Variants in AIMP2 observed in about 807,000 individuals in gnomAD.
AIMP2 encodes aminoacyl tRNA synthase complex-interacting multifunctional protein 2.
Under a neutral mutation model 23.4 loss-of-function variants are expected in AIMP2, and 20 were observed. The observed-to-expected ratio is 0.85, with a 90% confidence interval of 0.60 to 1.24. The LOEUF (loss-of-function observed/expected upper bound fraction) is 1.24, where lower values mean the gene tolerates loss of function less well. Ranked by LOEUF, AIMP2 falls within the 50% of genes most tolerant of loss-of-function variation. The pLI is 0.00. For synonymous variants in AIMP2, 210 were observed against 170.4 expected, an observed-to-expected ratio of 1.23 and a Z score of -1.81; for missense variants, 515 against 414.5, an observed-to-expected ratio of 1.24 and a Z score of -2.10.
Position 6,023,623 on chromosome 7 carries a change from G to A in AIMP2, c.895G>A (p.Val299Met). The A allele has an allele frequency of 6.2e-7, 1 of 1,614,164 alleles. No homozygotes were observed. Among genetic ancestry groups the A allele is most frequent in the Non-Finnish European group, 8.5e-7 (1 of 1,180,006 alleles). ...GGCSVTVPAN[V>M]QRWMRSCENL... ...CTGCAGTGTGACAGTGCCAGCCAAT[G>A]TGCAGAGGTGGATGAGGTCTTGTGA... Residue 299 changes from valine (V) to methionine (M), a missense_variant, in exon 4 of 4, where the codon GTG becomes ATG. Physicochemically the swap from Val to Met is conservative, Grantham distance 21 (BLOSUM62 1). Coordinates refer to ENST00000223029, the MANE Select transcript of AIMP2 (RefSeq NM_006303.4).
At chr7:6,015,610 G>A (rs956214882) in intron 2 of AIMP2, among the ~76,000 whole-genome samples, 1 of 152,226 alleles carries the variant, frequency 6.6e-6, no homozygotes, top group Non-Finnish European at 1.5e-5. Context: ...TGTAGTCCCA[G>A]CTACTCGGGA....
chr7:6,020,837 G>T (rs1053255455), intron 3 of AIMP2, among the ~76,000 whole-genome samples: 1 of 152,198 alleles, frequency 6.6e-6, no homozygotes, highest in African/African-American at 2.4e-5. Context: ...TTGAAGGCAC[G>T]CAGGGCTAAG....
chr7:6,019,242 G>A (rs1787230471), intron 3 of AIMP2, among the ~76,000 whole-genome samples: 1 of 151,454 alleles, frequency 6.6e-6, no homozygotes, highest in African/African-American at 2.4e-5. Flanking sequence ...CCTCTTGGGA[G>A]GCCGAGGCGG....
At chr7:6,022,024 G>C (rs1787462586) in intron 3 of AIMP2, among the ~76,000 whole-genome samples, 1 of 152,106 alleles carries the variant, frequency 6.6e-6, no homozygotes, top group Non-Finnish European at 1.5e-5. Flanking sequence ...TGAGGACAGT[G>C]GGATGAAGAC....
At chr7:6,021,338 CAAAA>C (rs563523048) in intron 3 of AIMP2, among the ~76,000 whole-genome samples, 183 of 65,952 alleles carry the variant, frequency 2.8e-3, no homozygotes, top group African/African-American at 0.01. Flanking sequence ...GACTCCATCT[CAAAA>C]AAAAAAAAAA....
chr7:6,016,388 T>TA (rs1214805872), intron 2 of AIMP2, among the ~76,000 whole-genome samples: 2 of 152,280 alleles, frequency 1.3e-5, no homozygotes, highest in East Asian at 1.9e-4. Context: ...CTTAAAGCCC[T>TA]AAAAAATGCA....
chr7:6,020,816 G>A (rs12234649), intron 3 of AIMP2, among the ~76,000 whole-genome samples: 9,154 of 152,222 alleles, frequency 0.06, 584 homozygotes, highest in East Asian at 0.34. Flanking sequence ...GAAGGGAAGT[G>A]AGCCCCAGGA....
chr7:6,020,201 A>G (rs1787294121), intron 3 of AIMP2, among the ~76,000 whole-genome samples: 1 of 151,936 alleles, frequency 6.6e-6, no homozygotes, highest in African/African-American at 2.4e-5. Flanking sequence ...TGGGTGGATC[A>G]CCTGAGATCA....
chr7:6,022,914 T>G, intron 3 of AIMP2: 1 of 195,256 alleles, frequency 5.1e-6, no homozygotes, highest in Non-Finnish European at 1.1e-5. Context: ...GTTCATGTCA[T>G]TCATATCTTA....
chr7:6,021,878 C>T (rs1430901611), intron 3 of AIMP2, among the ~76,000 whole-genome samples: 1 of 152,048 alleles, frequency 6.6e-6, no homozygotes, highest in Non-Finnish European at 1.5e-5. Flanking sequence ...AATCAAAAGG[C>T]AAAAAGTCAG....
At chr7:6,012,606 G>A (rs530594299) in intron 1 of AIMP2, 4 of 248,666 alleles carry the variant, frequency 1.6e-5, no homozygotes, top group Admixed American at 8.7e-5. Flanking sequence ...CACCCAGTCT[G>A]GAGTGCAATG....
intron 3 of AIMP2, 44 bp downstream of exon 3, chr7:6,018,089 T>G: frequency 6.7e-7 from 1 of 1,481,766 alleles, no homozygotes; most frequent in Non-Finnish European, 9.3e-7. Flanking sequence ...AGCTGCCCCT[T>G]GAACACCATG....
chr7:6,019,276 G>A (rs999651995), intron 3 of AIMP2, among the ~76,000 whole-genome samples: 6 of 150,636 alleles, frequency 4.0e-5, no homozygotes, highest in Non-Finnish European at 7.4e-5. Flanking sequence ...TCAGGATATC[G>A]AGACCATCCT....
chr7:6,020,369 C>T (rs1446425026), intron 3 of AIMP2, among the ~76,000 whole-genome samples: 2 of 151,410 alleles, frequency 1.3e-5, no homozygotes, highest in Non-Finnish European at 2.9e-5. Context: ...TGCCGTGAGC[C>T]GAGATCACAC....
At position 6,009,443 on chromosome 7, in the gene AIMP2, T is replaced by C. The variant is rs1786360344; in HGVS notation, c.80T>C (p.Leu27Pro). Residue 27 changes from leucine (L) to proline (P), a missense_variant, in exon 1 of 4, where the codon CTC becomes CCC. Coordinates refer to ENST00000223029, the MANE Select transcript of AIMP2 (RefSeq NM_006303.4). ...RVELPTCMYR[L>P]PNVHGRSYGP... ...GAGCTTCCCACCTGCATGTACCGGCTCCCCAACGTGCACGGCAGGAGCTAC... is the reference window on the plus strand; with the variant it reads ...GAGCTTCCCACCTGCATGTACCGGCCCCCCAACGTGCACGGCAGGAGCTAC... 2 of 1,610,712 alleles carry C rather than the reference T, an allele frequency of 1.2e-6. No individual in the cohort carries two copies. Among genetic ancestry groups the C allele is most frequent in the South Asian group, 1.1e-5 (1 of 90,936 alleles).
chr7:6,009,589 C>T (rs1786396896), intron 1 of AIMP2, 91 bp downstream of exon 1: 1 of 1,179,696 alleles, frequency 8.5e-7, no homozygotes, highest in African/African-American at 1.6e-5. Context: ...GCGTCCCAAC[C>T]GGTTCACGGC....
Position 6,015,304 on chromosome 7 carries a change from C to T in AIMP2, c.294C>T (p.Pro98=), listed in dbSNP as rs776458004. ...DVTNIIQADE[P]TTLTTNALDL... is the part of the protein sequence containing the mutation. ...CCAACATAATCCAAGCGGATGAGCC[C>T]ACGACTTTAACCACCAATGCGCTGG... The change falls in exon 2 of 4, where the codon CCC becomes CCT. Residue 98 remains proline (P), a synonymous_variant. Coordinates refer to ENST00000223029, the MANE Select transcript of AIMP2 (RefSeq NM_006303.4). 17 of 1,614,032 alleles carry T rather than the reference C, an allele frequency of 1.1e-5. No individual in the cohort carries two copies. The highest frequency in any genetic ancestry group is 2.2e-5 in the East Asian group (1 of 44,890).
At chr7:6,019,764 C>T (rs865848323) in intron 3 of AIMP2, among the ~76,000 whole-genome samples, 5 of 152,036 alleles carry the variant, frequency 3.3e-5, no homozygotes, top group African/African-American at 1.2e-4. Context: ...TGGCTCACGC[C>T]TGTAATCCCA....
chr7:6,010,793 T>C (rs1388112425), intron 1 of AIMP2, among the ~76,000 whole-genome samples: 1 of 141,522 alleles, frequency 7.1e-6, no homozygotes, highest in Non-Finnish European at 1.5e-5. Flanking sequence ...GCGTATAGTC[T>C]GATGTGTCTG....
Sources: allele counts gnomAD v4.1 joint callset (sites outside exome capture counted in the v4.1 genomes callset), GRCh38; gene constraint gnomAD v4.1.1; transcripts MANE v1.5; gene names NCBI Gene and HGNC (gene_info 2026-07-23, HGNC 2026-07-21).